Variants in ERBB4 observed in about 807,000 individuals in gnomAD.
ERBB4 encodes the protein erb-b2 receptor tyrosine kinase 4.
A neutral mutation model predicts 158.0 loss-of-function variants in ERBB4; 42 were observed. That is an observed-to-expected ratio of 0.27 (90% confidence interval 0.21 to 0.34). The LOEUF is 0.34. Among genes scored for constraint, ERBB4 ranks in the 10% least tolerant of loss-of-function variants. The pLI, the probability that ERBB4 is intolerant of heterozygous loss-of-function variation, is 1.00. For synonymous variants in ERBB4, 583 were observed against 558.7 expected, an observed-to-expected ratio of 1.04 and a Z score of -0.61; for missense variants, 1,333 against 1,624.1, an observed-to-expected ratio of 0.82 and a Z score of 3.08.
In ERBB4 at chr2:211,562,049, C is replaced by T. The variant is rs1262820140; in HGVS notation, c.2341G>A (p.Val781Ile). 1 of 1,613,996 alleles carries T rather than the reference C, an allele frequency of 6.2e-7. No individual in the cohort carries two copies. ...CTCAGACACACACCCAGCAACCGGA[C>T]TAGGTGTGGATGATCCATACTTGCC... ...IMASMDHPHL[V>I]RLLGVCLSPT... The change falls in exon 20 of 28, where the codon GTC becomes ATC. Residue 781 changes from valine to isoleucine, a missense_variant. Physicochemically the swap from Val to Ile is conservative, Grantham distance 29. Coordinates refer to ENST00000342788, the MANE Select transcript of ERBB4 (RefSeq NM_005235.3).
At chr2:211,395,224 T>A (rs917396879) in intron 25 of ERBB4, among the ~76,000 whole-genome samples, 1 of 152,140 alleles carries the variant, frequency 6.6e-6, no homozygotes. Flanking sequence ...TGATTGTATG[T>A]TTTGATGAGG....
At chr2:212,446,601 A>ATATATATATATG (rs2092358011) in intron 1 of ERBB4, among the ~76,000 whole-genome samples, 12 of 21,848 alleles carry the variant, frequency 5.5e-4, no homozygotes, top group African/African-American at 8.5e-4. Context: ...GTATATATAT[A>ATATATATATATG]TATATATATA....
intron 7 of ERBB4, among the ~76,000 whole-genome samples, chr2:211,717,319 A>T: frequency 6.6e-6 from 1 of 152,214 alleles, no homozygotes; most frequent in East Asian, 1.9e-4. Context: ...AGAGGTTATT[A>T]GATGAAAAGG....
At chr2:211,792,578 C>T (rs1285740839) in intron 3 of ERBB4, among the ~76,000 whole-genome samples, 1 of 151,784 alleles carries the variant, frequency 6.6e-6, no homozygotes, top group African/African-American at 2.4e-5. Flanking sequence ...CGATCTTTAG[C>T]TATCCCATAC....
At chr2:211,671,963 T>C (rs2071859767) in intron 14 of ERBB4, among the ~76,000 whole-genome samples, 1 of 152,154 alleles carries the variant, frequency 6.6e-6, no homozygotes, top group Non-Finnish European at 1.5e-5. Flanking sequence ...ACATATTAAA[T>C]TGCCTTTTAC....
At chr2:212,451,300 T>C (rs2092442337) in intron 1 of ERBB4, among the ~76,000 whole-genome samples, 1 of 152,178 alleles carries the variant, frequency 6.6e-6, no homozygotes, top group African/African-American at 2.4e-5. Context: ...AATGAAAGTA[T>C]GAGAAGAATT....
intron 25 of ERBB4, among the ~76,000 whole-genome samples, chr2:211,400,794 G>C (rs919581934): frequency 6.6e-6 from 1 of 151,930 alleles, no homozygotes; most frequent in Non-Finnish European, 1.5e-5. Context: ...TGGATTGCTT[G>C]TAACACAAAG....
At chr2:211,896,416 C>T (rs1340596690) in intron 3 of ERBB4, among the ~76,000 whole-genome samples, 1 of 152,160 alleles carries the variant, frequency 6.6e-6, no homozygotes, top group African/African-American at 2.4e-5. Context: ...ATCAGTAAAT[C>T]TTTTCCCTGT....
chr2:212,261,788 T>C (rs2084955400), intron 1 of ERBB4, among the ~76,000 whole-genome samples: 1 of 152,150 alleles, frequency 6.6e-6, no homozygotes, highest in Non-Finnish European at 1.5e-5. Context: ...CAATTGTACA[T>C]GTGTTATATA....
At chr2:211,625,079 A>G (rs1380472948) in intron 17 of ERBB4, among the ~76,000 whole-genome samples, 1 of 152,120 alleles carries the variant, frequency 6.6e-6, no homozygotes. Flanking sequence ...TGAGAAAAAA[A>G]AAAAGTATGT....
intron 2 of ERBB4, among the ~76,000 whole-genome samples, chr2:212,005,647 T>C (rs1323862112): frequency 2.0e-5 from 3 of 152,196 alleles, no homozygotes; most frequent in Non-Finnish European, 2.9e-5. Flanking sequence ...AGGAACACTA[T>C]ATGTAGTTCA....
chr2:211,949,914 C>T (rs185340051), intron 2 of ERBB4, among the ~76,000 whole-genome samples: 3 of 152,228 alleles, frequency 2.0e-5, no homozygotes, highest in East Asian at 1.9e-4. Context: ...ATTTAGTATT[C>T]GTAACCTGTC....
Position 211,841,409 on chromosome 2 carries a change from C to T in ERBB4, c.422-53250G>A, listed in dbSNP as rs566295527. 5.3e-5 allele frequency among the ~76,000 whole-genome samples: 8 copies of T among 152,070 alleles called. No homozygotes were observed. In the East Asian group the frequency reaches 7.7e-4, roughly 15 times the overall value. On this transcript the variant is annotated intron_variant, in intron 3 of 27. Transcript: ENST00000342788. ...TATGGTTCTGAAATATTGTGCCTGACAATAACATCATCATGAAATGCTTTA... is the reference window on the plus strand; with the variant it reads ...TATGGTTCTGAAATATTGTGCCTGATAATAACATCATCATGAAATGCTTTA...
chr2:211,533,562 C>T (rs2066561797), intron 20 of ERBB4, among the ~76,000 whole-genome samples: 1 of 151,874 alleles, frequency 6.6e-6, no homozygotes, highest in African/African-American at 2.4e-5. Flanking sequence ...CAGGATTATC[C>T]AAATATACAA....
At chr2:212,414,488 T>G (rs568648826) in intron 1 of ERBB4, among the ~76,000 whole-genome samples, 1 of 152,312 alleles carries the variant, frequency 6.6e-6, no homozygotes, top group East Asian at 1.9e-4. Flanking sequence ...GTAATAACTT[T>G]ATATGGCTCT....
chr2:211,765,784 T>A (rs550142932), intron 4 of ERBB4, among the ~76,000 whole-genome samples: 1 of 152,356 alleles, frequency 6.6e-6, no homozygotes, highest in African/African-American at 2.4e-5. Context: ...AAAAAACTTT[T>A]AAATTTATCA....
chr2:211,982,997 TTGACGTGAGTCA>T (rs1291867528), intron 2 of ERBB4, among the ~76,000 whole-genome samples: 1 of 152,246 alleles, frequency 6.6e-6, no homozygotes, highest in Non-Finnish European at 1.5e-5. Flanking sequence ...ATGTTATATA[TTGACGTGAGTCA>T]TGACTTTTAC....
At chr2:211,616,231 T>G (rs949999499) in intron 19 of ERBB4, among the ~76,000 whole-genome samples, 2 of 152,042 alleles carry the variant, frequency 1.3e-5, no homozygotes, top group Non-Finnish European at 1.5e-5. Flanking sequence ...AATTTTGAGG[T>G]GTATGTCCTA....
intron 16 of ERBB4, among the ~76,000 whole-genome samples, chr2:211,643,553 T>C (rs559102670): frequency 2.6e-5 from 4 of 152,270 alleles, no homozygotes; most frequent in African/African-American, 7.2e-5. Context: ...TTTTCCTTTT[T>C]TCTTGCATTT....
Sources: allele counts gnomAD v4.1 joint callset (sites outside exome capture counted in the v4.1 genomes callset), GRCh38; gene constraint gnomAD v4.1.1; transcripts MANE v1.5; gene names NCBI Gene and HGNC (gene_info 2026-07-23, HGNC 2026-07-21).